Variants in RABGAP1L observed in about 807,000 individuals in gnomAD.
RABGAP1L encodes the protein RAB GTPase activating protein 1 like.
A neutral mutation model predicts 137.7 loss-of-function variants in RABGAP1L; 63 were observed. The ratio of observed to expected loss-of-function variants is 0.46; its 90% CI spans 0.37 to 0.56. The LOEUF is 0.56. Among genes scored for constraint, RABGAP1L ranks in the 20% least tolerant of loss-of-function variants. The pLI is 0.00. For synonymous variants in RABGAP1L, 431 were observed against 433.7 expected (o/e 0.99, Z 0.08); for missense variants, 1,095 against 1,244.0 (o/e 0.88, Z 1.80).
chr1:174,408,880 C>A (rs1409027433), intron 13 of RABGAP1L, among the ~76,000 whole-genome samples: 1 of 152,030 alleles, frequency 6.6e-6, no homozygotes, highest in East Asian at 1.9e-4. Flanking sequence ...AGTGTCTATT[C>A]ATATCTTTTG....
At chr1:174,640,738 CT>C (rs1161549517) in intron 14 of RABGAP1L, among the ~76,000 whole-genome samples, 6 of 151,698 alleles carry the variant, frequency 4.0e-5, no homozygotes, top group Non-Finnish European at 7.4e-5. Flanking sequence ...AATCCTTATT[CT>C]TTTTCTATTT....
At chr1:174,438,744 G>GTGTATATATATATATA (rs1161311071) in intron 13 of RABGAP1L, among the ~76,000 whole-genome samples, 45 of 95,404 alleles carry the variant, frequency 4.7e-4, no homozygotes, top group African/African-American at 1.3e-3. Context: ...GTGTGTGTGT[G>GTGTATATATATATATA]TATATATATA....
At chr1:174,619,575 A>G (rs1672245981) in intron 13 of RABGAP1L, among the ~76,000 whole-genome samples, 1 of 152,246 alleles carries the variant, frequency 6.6e-6, no homozygotes, top group African/African-American at 2.4e-5. Flanking sequence ...ACTCCTTTAC[A>G]GACAAGCAAA....
At chr1:174,747,553 G>GT (rs749001497) in intron 17 of RABGAP1L, among the ~76,000 whole-genome samples, 40 of 152,044 alleles carry the variant, frequency 2.6e-4, no homozygotes, top group Non-Finnish European at 4.7e-4. Context: ...ATTTTTATGG[G>GT]TAATGTCTAG....
chr1:174,552,748 G>A (rs901150288), intron 13 of RABGAP1L, among the ~76,000 whole-genome samples: 1 of 152,106 alleles, frequency 6.6e-6, no homozygotes, highest in Non-Finnish European at 1.5e-5. Context: ...CTCAGTAATG[G>A]GTTTGCTGAG....
intron 1 of RABGAP1L, among the ~76,000 whole-genome samples, chr1:174,197,856 A>T (rs1667814697): frequency 6.6e-6 from 1 of 152,126 alleles, no homozygotes; most frequent in African/African-American, 2.4e-5. Flanking sequence ...AGTTCTGGGC[A>T]TGTAGCTGAC....
At chr1:174,625,586 A>G (rs754956344) in intron 13 of RABGAP1L, among the ~76,000 whole-genome samples, 38 of 152,252 alleles carry the variant, frequency 2.5e-4, no homozygotes, top group African/African-American at 8.9e-4. Flanking sequence ...GTGTGAGCCA[A>G]TGCATCTGGC....
At chr1:174,911,111 A>G (rs940833951) in intron 19 of RABGAP1L, among the ~76,000 whole-genome samples, 3 of 152,136 alleles carry the variant, frequency 2.0e-5, no homozygotes, top group Non-Finnish European at 2.9e-5. Context: ...AGAAATATCT[A>G]TTCAGATTTT....
chr1:174,234,234 G>A (rs1382764757), intron 4 of RABGAP1L, among the ~76,000 whole-genome samples: 4 of 103,144 alleles, frequency 3.9e-5, no homozygotes, highest in African/African-American at 1.2e-4. Flanking sequence ...CACTCTGATG[G>A]TAGTTTCTTT....
At chr1:174,295,443 G>A (rs1677037084) in intron 10 of RABGAP1L, among the ~76,000 whole-genome samples, 1 of 151,810 alleles carries the variant, frequency 6.6e-6, no homozygotes, top group Non-Finnish European at 1.5e-5. Flanking sequence ...GAGTGCAGTG[G>A]CGCCATCTCA....
chr1:174,868,148 G>C (rs544574348), intron 19 of RABGAP1L, among the ~76,000 whole-genome samples: 36 of 151,268 alleles, frequency 2.4e-4, no homozygotes, highest in Non-Finnish European at 4.1e-4. Flanking sequence ...TATTAGAGAT[G>C]AGGTTTCACC....
chr1:174,440,329 G>A (rs1416537958), intron 13 of RABGAP1L, among the ~76,000 whole-genome samples: 1 of 152,170 alleles, frequency 6.6e-6, no homozygotes, highest in Non-Finnish European at 1.5e-5. Context: ...AAAATATTTT[G>A]TCTCTTTTGT....
intron 13 of RABGAP1L, among the ~76,000 whole-genome samples, chr1:174,458,312 A>T (rs1025068845): frequency 6.6e-6 from 1 of 151,736 alleles, no homozygotes; most frequent in African/African-American, 2.4e-5. Flanking sequence ...ACAGAAAAAA[A>T]TTTTTCAGAA....
At chr1:174,727,492 A>G (rs1015496944) in intron 17 of RABGAP1L, among the ~76,000 whole-genome samples, 1 of 152,220 alleles carries the variant, frequency 6.6e-6, no homozygotes, top group Non-Finnish European at 1.5e-5. Flanking sequence ...TCTGTAGCAA[A>G]GCTTTGGAAA....
At chr1:174,485,805 T>C (rs528236897) in intron 13 of RABGAP1L, among the ~76,000 whole-genome samples, 3 of 152,356 alleles carry the variant, frequency 2.0e-5, no homozygotes, top group East Asian at 3.9e-4. Context: ...ATTTCCTTTT[T>C]TGATGTGTCT....
intron 11 of RABGAP1L, among the ~76,000 whole-genome samples, chr1:174,306,481 A>G (rs1190951588): frequency 1.3e-5 from 2 of 152,076 alleles, no homozygotes; most frequent in Non-Finnish European, 2.9e-5. Flanking sequence ...ATGGTATCTC[A>G]TTGTGGTTTT....
intron 19 of RABGAP1L, among the ~76,000 whole-genome samples, chr1:174,870,136 A>G (rs180708004): frequency 3.3e-4 from 50 of 152,336 alleles, no homozygotes; most frequent in African/African-American, 1.2e-3. Context: ...GTAATCTTCA[A>G]TGACTGGCTT....
At chr1:174,926,930 A>AGGCG (rs1662931572) in intron 19 of RABGAP1L, among the ~76,000 whole-genome samples, 1 of 151,960 alleles carries the variant, frequency 6.6e-6, no homozygotes, top group Non-Finnish European at 1.5e-5. Flanking sequence ...AAAATTAGCC[A>AGGCG]GGCGTGGTGG....
chr1:174,680,335 C>G (rs369723760), intron 14 of RABGAP1L, among the ~76,000 whole-genome samples: 2 of 152,088 alleles, frequency 1.3e-5, no homozygotes, highest in Admixed American at 1.3e-4. Context: ...TAAAAGAGGC[C>G]GGAAGGATCT....
Sources: allele counts gnomAD v4.1 joint callset (sites outside exome capture counted in the v4.1 genomes callset), GRCh38; gene constraint gnomAD v4.1.1; transcripts MANE v1.5; gene names NCBI Gene and HGNC (gene_info 2026-07-23, HGNC 2026-07-21).